CDYL: variants seen among roughly 807,000 people sequenced by gnomAD.
CDYL encodes the protein chromodomain Y like.
Under a neutral mutation model 47.3 loss-of-function variants are expected in CDYL, and 8 were observed. The ratio of observed to expected loss-of-function variants is 0.17; its 90% CI spans 0.10 to 0.31. The LOEUF is 0.31. Among genes scored for constraint, CDYL ranks in the 10% least tolerant of loss-of-function variants. CDYL has a pLI of 1.00. For synonymous variants in CDYL, 266 were observed against 265.0 expected (o/e 1.00, Z -0.04); for missense variants, 471 against 701.4 (o/e 0.67, Z 3.71).
At chr6:4,908,589 C>T (rs1161293242) in intron 2 of CDYL, among the ~76,000 whole-genome samples, 3 of 152,176 alleles carry the variant, frequency 2.0e-5, no homozygotes, top group African/African-American at 4.8e-5. Flanking sequence ...TCCAAGCTTC[C>T]AGGGTCTGTT....
At chr6:4,721,541 G>A (rs952392164) in intron 2 of CDYL, among the ~76,000 whole-genome samples, 2 of 151,958 alleles carry the variant, frequency 1.3e-5, no homozygotes, top group South Asian at 2.1e-4. Flanking sequence ...GTGCCACCAC[G>A]CTTGGATAAT....
At chr6:4,858,921 A>G (rs911777836) in intron 1 of CDYL, among the ~76,000 whole-genome samples, 2 of 152,244 alleles carry the variant, frequency 1.3e-5, no homozygotes, top group Non-Finnish European at 2.9e-5. Context: ...AGTGGTTGCC[A>G]CATAAACACT....
At chr6:4,708,291 G>A (rs987061766) in intron 1 of CDYL, among the ~76,000 whole-genome samples, 1 of 152,010 alleles carries the variant, frequency 6.6e-6, no homozygotes, top group Non-Finnish European at 1.5e-5. Flanking sequence ...AGCCTCCCAA[G>A]TACCTGGGAC....
At chr6:4,740,274 G>A (rs1757773569) in intron 3 of CDYL, among the ~76,000 whole-genome samples, 2 of 152,192 alleles carry the variant, frequency 1.3e-5, no homozygotes, top group Admixed American at 1.3e-4. Flanking sequence ...GAACAACACA[G>A]TGTGAGCCTT....
chr6:4,789,603 G>C (rs1305117713), intron 1 of CDYL, among the ~76,000 whole-genome samples: 1 of 152,204 alleles, frequency 6.6e-6, no homozygotes, highest in Non-Finnish European at 1.5e-5. Flanking sequence ...TGCTCTGTGA[G>C]CTTTTGAGGG....
intron 3 of CDYL, among the ~76,000 whole-genome samples, chr6:4,768,298 T>C (rs1313412096): frequency 6.6e-6 from 1 of 152,228 alleles, no homozygotes; most frequent in Non-Finnish European, 1.5e-5. Flanking sequence ...CTTTCTAATA[T>C]GATTTTTCAA....
chr6:4,725,914 A>C (rs1757503955), intron 2 of CDYL, among the ~76,000 whole-genome samples: 1 of 152,210 alleles, frequency 6.6e-6, no homozygotes. Flanking sequence ...AAATGTGTCC[A>C]TTTTTGTCAA....
intron 5 of CDYL, among the ~76,000 whole-genome samples, chr6:4,949,332 CTT>C (rs1758626834): frequency 6.6e-6 from 1 of 152,246 alleles, no homozygotes; most frequent in African/African-American, 2.4e-5. Flanking sequence ...AGAGCCCTCT[CTT>C]GGGGACTTCA....
chr6:4,925,059 C>T (rs1023006682), intron 2 of CDYL, among the ~76,000 whole-genome samples: 3 of 152,174 alleles, frequency 2.0e-5, no homozygotes, highest in East Asian at 3.8e-4. Flanking sequence ...CAATCTGAAA[C>T]CATGCAGAAA....
At chr6:4,792,489 T>C (rs553498391) in intron 1 of CDYL, among the ~76,000 whole-genome samples, 6 of 151,674 alleles carry the variant, frequency 4.0e-5, no homozygotes, top group African/African-American at 1.5e-4. Flanking sequence ...TGGAGTGCAG[T>C]GGCATGATCT....
chr6:4,756,602 G>GTGTGTGTGTGTGTT (rs1561838035), intron 3 of CDYL, among the ~76,000 whole-genome samples: 5 of 151,890 alleles, frequency 3.3e-5, no homozygotes, highest in African/African-American at 1.2e-4. Flanking sequence ...GTGTGTGTGT[G>GTGTGTGTGTGTGTT]TGTGTGTGTG....
intron 3 of CDYL, among the ~76,000 whole-genome samples, chr6:4,742,031 C>A (rs9328275): frequency 0.53 from 81,046 of 151,790 alleles, 22,826 homozygotes; most frequent in South Asian, 0.65. Flanking sequence ...GGCATAGGAG[C>A]AAAATAAGCA....
intron 3 of CDYL, among the ~76,000 whole-genome samples, chr6:4,754,002 T>A (rs1030878963): frequency 1.3e-5 from 2 of 152,146 alleles, no homozygotes; most frequent in Non-Finnish European, 2.9e-5. Flanking sequence ...GACTTGTTTT[T>A]AAAAATTAAT....
chr6:4,866,660 C>T (rs1761331724), intron 1 of CDYL, among the ~76,000 whole-genome samples: 1 of 152,082 alleles, frequency 6.6e-6, no homozygotes, highest in African/African-American at 2.4e-5. Context: ...CTTAAAGTCA[C>T]AGTTTCCAAA....
At chr6:4,922,843 G>A (rs2127510206) in intron 2 of CDYL, among the ~76,000 whole-genome samples, 1 of 152,262 alleles carries the variant, frequency 6.6e-6, no homozygotes, top group Admixed American at 6.5e-5. Flanking sequence ...CCTGCAGCGG[G>A]TGCCCAGCCT....
chr6:4,871,977 G>A (rs955368932), intron 1 of CDYL, among the ~76,000 whole-genome samples: 3 of 152,174 alleles, frequency 2.0e-5, no homozygotes, highest in African/African-American at 7.2e-5. Flanking sequence ...GTTGCAGTTT[G>A]GGTTTCTGAC....
intron 3 of CDYL, among the ~76,000 whole-genome samples, chr6:4,736,475 A>G (rs753572538): frequency 1.4e-4 from 21 of 152,318 alleles, no homozygotes; most frequent in South Asian, 4.1e-4. Context: ...GAACCCTTGC[A>G]CTAGACTGAC....
chr6:4,780,431 C>CCCCGG (rs1561847073), intron 1 of CDYL, among the ~76,000 whole-genome samples: 23 of 126,098 alleles, frequency 1.8e-4, no homozygotes, highest in African/African-American at 9.8e-4. Context: ...CCCGCCCCGG[C>CCCCGG]TAATGTTTTG....
chr6:4,820,732 A>T (rs1759810461), intron 1 of CDYL, among the ~76,000 whole-genome samples: 1 of 152,230 alleles, frequency 6.6e-6, no homozygotes, highest in Non-Finnish European at 1.5e-5. Flanking sequence ...CTGGGAAGTG[A>T]TTGGAAGTGA....
Sources: allele counts gnomAD v4.1 joint callset (sites outside exome capture counted in the v4.1 genomes callset), GRCh38; gene constraint gnomAD v4.1.1; transcripts MANE v1.5; gene names NCBI Gene and HGNC (gene_info 2026-07-23, HGNC 2026-07-21).